ZNF827: variants seen among roughly 807,000 people sequenced by gnomAD.
ZNF827 encodes the protein zinc finger protein 827.
Under a neutral mutation model 102.4 loss-of-function variants are expected in ZNF827, and 13 were observed. The observed-to-expected ratio is 0.13, with a 90% CI of 0.08 to 0.20. ZNF827 has a LOEUF of 0.20. ZNF827 is among the 10% of genes least tolerant of loss of function. ZNF827 has a pLI of 1.00. For missense variants in ZNF827, 1,103 were observed against 1,344.4 expected, an observed-to-expected ratio of 0.82 and a Z score of 2.81; for synonymous variants, 523 against 536.2, an observed-to-expected ratio of 0.98 and a Z score of 0.34.
intron 8 of ZNF827, among the ~76,000 whole-genome samples, chr4:145,798,845 T>G (rs532728932): frequency 6.6e-6 from 1 of 152,276 alleles, no homozygotes; most frequent in African/African-American, 2.4e-5. Context: ...TAAATCTGAG[T>G]TGCACTTTTT....
chr4:145,844,361 G>A (rs191654528), intron 7 of ZNF827, among the ~76,000 whole-genome samples: 208 of 151,670 alleles, frequency 1.4e-3, no homozygotes, highest in Non-Finnish European at 2.4e-3. Flanking sequence ...CTATTAGAAC[G>A]AGGTTCCTCT....
At chr4:145,877,771 C>A (rs1455446433) in intron 4 of ZNF827, among the ~76,000 whole-genome samples, 2 of 152,088 alleles carry the variant, frequency 1.3e-5, no homozygotes, top group Non-Finnish European at 2.9e-5. Context: ...TAAAACCAAC[C>A]CACAAAGGGC....
chr4:145,789,249 G>T (rs1477978121), intron 8 of ZNF827, among the ~76,000 whole-genome samples: 1 of 152,032 alleles, frequency 6.6e-6, no homozygotes, highest in Non-Finnish European at 1.5e-5. Context: ...TATTATGGGG[G>T]AAAAACAGAT....
chr4:145,914,200 A>T (rs951438381), intron 1 of ZNF827, among the ~76,000 whole-genome samples: 5 of 152,136 alleles, frequency 3.3e-5, no homozygotes, highest in African/African-American at 7.2e-5. Context: ...AAAAATATAC[A>T]TATATCCAGA....
chr4:145,870,689 T>A (rs1231862830), intron 4 of ZNF827: 1 of 499,100 alleles, frequency 2.0e-6, no homozygotes, highest in African/African-American at 1.9e-5. Flanking sequence ...TCTGAATCTT[T>A]TGAACCTAAA....
chr4:145,821,546 C>T (rs1192965163), intron 8 of ZNF827, among the ~76,000 whole-genome samples: 1 of 151,940 alleles, frequency 6.6e-6, no homozygotes, highest in Non-Finnish European at 1.5e-5. Flanking sequence ...GCATTTTCAC[C>T]TTGCTTATTA....
At chr4:145,938,125 G>A (rs867898849) in intron 1 of ZNF827, among the ~76,000 whole-genome samples, 10 of 151,834 alleles carry the variant, frequency 6.6e-5, no homozygotes, top group African/African-American at 2.2e-4. Context: ...GAAAAAAAGG[G>A]GGGGGGTGAG....
chr4:145,869,996 G>C (rs1164723980), intron 5 of ZNF827, among the ~76,000 whole-genome samples: 2 of 152,244 alleles, frequency 1.3e-5, no homozygotes, highest in East Asian at 3.9e-4. Flanking sequence ...AAGCAGCAGT[G>C]GTTTCCAACA....
intron 8 of ZNF827, among the ~76,000 whole-genome samples, chr4:145,781,751 T>G (rs553224718): frequency 2.0e-5 from 3 of 152,310 alleles, no homozygotes; most frequent in Admixed American, 1.3e-4. Flanking sequence ...AGTATATCAG[T>G]AGCTCCTTTT....
At chr4:145,893,104 C>T (rs1401125383) in intron 2 of ZNF827, among the ~76,000 whole-genome samples, 4 of 152,218 alleles carry the variant, frequency 2.6e-5, no homozygotes, top group East Asian at 1.9e-4. Flanking sequence ...TTCCTCTGCA[C>T]GGTGACTGGG....
At chr4:145,807,229 C>T (rs1472017833) in intron 8 of ZNF827, among the ~76,000 whole-genome samples, 2 of 152,212 alleles carry the variant, frequency 1.3e-5, no homozygotes, top group African/African-American at 4.8e-5. Flanking sequence ...AAGACCTATC[C>T]TGTGTATAAC....
At chr4:145,868,483 T>C (rs766068983) in intron 5 of ZNF827, among the ~76,000 whole-genome samples, 6 of 152,216 alleles carry the variant, frequency 3.9e-5, no homozygotes, top group South Asian at 2.1e-4. Flanking sequence ...CTGAACCCCA[T>C]AGCACATGTG....
intron 4 of ZNF827, among the ~76,000 whole-genome samples, chr4:145,878,583 AGGACAGGACAGGAC>A: frequency 7.4e-6 from 1 of 135,506 alleles, no homozygotes; most frequent in African/African-American, 2.9e-5. Flanking sequence ...AGGACAGGAC[AGGACAGGACAGGAC>A]AGGACAGGAA....
At chr4:145,849,084 TAG>T (rs1746268689) in intron 6 of ZNF827, among the ~76,000 whole-genome samples, 1 of 152,222 alleles carries the variant, frequency 6.6e-6, no homozygotes, top group African/African-American at 2.4e-5. Flanking sequence ...CAGAATTGAA[TAG>T]AGTTTTAATT....
At chr4:145,811,507 A>C (rs190024047) in intron 8 of ZNF827, among the ~76,000 whole-genome samples, 111 of 152,260 alleles carry the variant, frequency 7.3e-4, no homozygotes, top group African/African-American at 2.4e-3. Context: ...AGGGGTGAGG[A>C]GGTCTACAAC....
chr4:145,898,734 G>C (rs1002274690), intron 2 of ZNF827, among the ~76,000 whole-genome samples: 1 of 152,080 alleles, frequency 6.6e-6, no homozygotes, highest in Non-Finnish European at 1.5e-5. Flanking sequence ...GACTCTTAAG[G>C]AATTAAATAC....
intron 1 of ZNF827, among the ~76,000 whole-genome samples, chr4:145,931,188 G>A (rs1753777336): frequency 6.6e-6 from 1 of 152,134 alleles, no homozygotes; most frequent in African/African-American, 2.4e-5. Flanking sequence ...TATTTCTAAG[G>A]TCTGTGCTTC....
chr4:145,764,442 G>A (rs556096516), intron 13 of ZNF827, among the ~76,000 whole-genome samples: 1 of 152,316 alleles, frequency 6.6e-6, no homozygotes, highest in South Asian at 2.1e-4. Context: ...GATGATGCTC[G>A]TTGTCTAGAT....
In ZNF827 at chr4:145,886,038, C is replaced by T. The variant is rs1356788806; in HGVS notation, c.1387G>A (p.Ala463Thr). Residue 463 changes from alanine (A) to threonine (T), a missense_variant, in exon 4 of 15, where the codon GCC becomes ACC. Physicochemically the swap from Ala to Thr is moderately conservative, Grantham distance 58 (BLOSUM62 0). Around this residue, in one of 5 missense-constraint regions of ZNF827, gnomAD observed 157 missense variants for 211.7 expected, o/e 0.74. Transcript: ENST00000508784. ...RCHQHFLRTE[A>T]KVKEEIPDPD... ...TCTGGGATCTCCTCCTTCACCTTGG[C>T]TTCTGTCCTCAGGAAGTGCTGATGG... 1 of 1,614,174 alleles carries T rather than the reference C, an allele frequency of 6.2e-7. No individual in the cohort carries two copies. The highest frequency in any genetic ancestry group is 8.5e-7 in the Non-Finnish European group (1 of 1,180,024).
Sources: allele counts gnomAD v4.1 joint callset (sites outside exome capture counted in the v4.1 genomes callset), GRCh38; gene constraint gnomAD v4.1.1; regional missense constraint gnomAD v4.1.1; transcripts MANE v1.5; gene names NCBI Gene and HGNC (gene_info 2026-07-23, HGNC 2026-07-21).